Variants in DSTYK observed in about 807,000 individuals in gnomAD.
DSTYK encodes dual serine/threonine and tyrosine protein kinase, also known as RIP-homologous kinase.
DSTYK carries 34 observed loss-of-function variants against 98.7 expected under a neutral mutation model. The observed-to-expected ratio is 0.34, with a 90% CI of 0.26 to 0.46. DSTYK has a LOEUF of 0.46. Among genes scored for constraint, DSTYK ranks in the 20% least tolerant of loss-of-function variants. The probability of loss-of-function intolerance (pLI) is 1.00; values close to 1 mark genes in which losing one functional copy is unlikely to be tolerated. For missense variants in DSTYK, 962 were observed against 1,181.7 expected, an observed-to-expected ratio of 0.81 and a Z score of 2.73; for synonymous variants, 462 against 457.3, an observed-to-expected ratio of 1.01 and a Z score of -0.13.
At chr1:205,182,489 T>A in intron 2 of DSTYK, among the ~76,000 whole-genome samples, 2 of 68,296 alleles carry the variant, frequency 2.9e-5, no homozygotes, top group Non-Finnish European at 3.0e-5. Flanking sequence ...TGGTTAGAGT[T>A]AAAAACGGTA....
chr1:205,196,858 G>A (rs778326612), intron 1 of DSTYK, among the ~76,000 whole-genome samples: 8 of 144,734 alleles, frequency 5.5e-5, no homozygotes, highest in African/African-American at 1.5e-4. Context: ...TTCCGGGTTC[G>A]AGCAATTCTC....
intron 10 of DSTYK, among the ~76,000 whole-genome samples, chr1:205,152,834 CCGGTA>C (rs1391256668): frequency 6.6e-6 from 1 of 152,158 alleles, no homozygotes; most frequent in African/African-American, 2.4e-5. Context: ...GAATACTCAA[CCGGTA>C]CTGTCTTCCT....
intron 2 of DSTYK, among the ~76,000 whole-genome samples, chr1:205,182,126 C>T (rs921749867): frequency 2.0e-5 from 3 of 152,018 alleles, no homozygotes; most frequent in African/African-American, 4.8e-5. Context: ...AGTGGCCAGG[C>T]GTGGTGGCTC....
At chr1:205,203,511 AG>A (rs1176778632) in intron 1 of DSTYK, among the ~76,000 whole-genome samples, 1 of 59,708 alleles carries the variant, frequency 1.7e-5, no homozygotes. Context: ...GGGGTAGGGT[AG>A]GGAAGGGGAG....
intron 2 of DSTYK, among the ~76,000 whole-genome samples, chr1:205,181,653 G>GGGGT (rs758360038): frequency 0.06 from 5,018 of 83,868 alleles, 161 homozygotes; most frequent in East Asian, 0.17. Flanking sequence ...CAGATGTTGG[G>GGGGT]GTTTGTGTGT....
chr1:205,166,031 T>A (rs1048485566), intron 3 of DSTYK, among the ~76,000 whole-genome samples: 41 of 149,084 alleles, frequency 2.8e-4, no homozygotes, highest in African/African-American at 8.8e-4. Flanking sequence ...CAAAAAAAAA[T>A]AAATAAATAA....
At chr1:205,197,915 C>T (rs964251733) in intron 1 of DSTYK, among the ~76,000 whole-genome samples, 19 of 152,256 alleles carry the variant, frequency 1.2e-4, no homozygotes, top group African/African-American at 3.6e-4. Flanking sequence ...CCACGAAGGC[C>T]GGGCGTGATG....
In DSTYK at chr1:205,187,805, G is replaced by C. The variant is rs1658601738; in HGVS notation, c.267C>G (p.Gly89=). Residue 89 remains glycine, a splice_region_variant and synonymous_variant, in exon 2 of 13, where the codon GGC becomes GGG. Coordinates refer to ENST00000367162, the MANE Select transcript of DSTYK (RefSeq NM_015375.3). The stretch of plus-strand genomic sequence containing the variant: ...GTGGGAAGGAAATGCAGCTCAGTTG[G>C]CCTGGTTGGGGAAGGGGAGAGTGGA... ...GDVAETGLQA[G]QLSCISFPPK... is the part of the protein sequence containing the mutation. 1 of 1,607,888 alleles carries C rather than the reference G, an allele frequency of 6.2e-7. No individual in the cohort carries two copies.
At chr1:205,170,632 C>T (rs1658031490) in intron 2 of DSTYK, among the ~76,000 whole-genome samples, 1 of 152,146 alleles carries the variant, frequency 6.6e-6, no homozygotes, top group Admixed American at 6.5e-5. Flanking sequence ...CAACCTAAGT[C>T]TAAGAAATAC....
chr1:205,185,485 C>T (rs552202460), intron 2 of DSTYK, among the ~76,000 whole-genome samples: 38 of 152,212 alleles, frequency 2.5e-4, no homozygotes, highest in African/African-American at 7.9e-4. Flanking sequence ...GTAGCTGGGA[C>T]TACAAGGGTG....
At chr1:205,167,461 A>G (rs894769901) in intron 3 of DSTYK, among the ~76,000 whole-genome samples, 1 of 152,242 alleles carries the variant, frequency 6.6e-6, no homozygotes, top group Non-Finnish European at 1.5e-5. Flanking sequence ...TTTGGGAGAC[A>G]GGCCCTGATG....
chr1:205,166,579 C>T (rs920498581), intron 3 of DSTYK, among the ~76,000 whole-genome samples: 12 of 152,182 alleles, frequency 7.9e-5, no homozygotes, highest in African/African-American at 2.7e-4. Flanking sequence ...TAAGAACAAT[C>T]GGATACTTTA....
chr1:205,147,689 C>T lies in DSTYK; in HGVS notation c.2659G>A (p.Ala887Thr), dbSNP rs1430891769. ...TTCAAGGGGTCGCCATCCCAACAGGCTTCCATCAACTGCCAGCACTCCTCA... is the reference window on the plus strand; with the variant it reads ...TTCAAGGGGTCGCCATCCCAACAGGTTTCCATCAACTGCCAGCACTCCTCA... ...FDEECWQLME[A>T]CWDGDPLKRP... Residue 887 changes from alanine to threonine, a missense_variant, in exon 13 of 13, where the codon GCC becomes ACC. Physicochemically the swap from Ala to Thr is moderately conservative, Grantham distance 58. Around this residue, in one of 4 missense-constraint regions of DSTYK, gnomAD observed 65 missense variants for 63.9 expected, o/e 1.02. Coordinates refer to ENST00000367162, the MANE Select transcript of DSTYK (RefSeq NM_015375.3). 1.4e-5 allele frequency: 22 copies of T among 1,613,998 alleles called. No individual in the cohort carries two copies. The highest frequency in any genetic ancestry group is 1.8e-5 in the Non-Finnish European group (21 of 1,180,018).
intron 1 of DSTYK, among the ~76,000 whole-genome samples, chr1:205,198,108 G>A (rs1186193347): frequency 3.9e-5 from 6 of 152,046 alleles, no homozygotes; most frequent in African/African-American, 7.2e-5. Flanking sequence ...CAGAAGAATC[G>A]CTTGAACCCG....
chr1:205,196,639 G>GTTTCTTTT (rs1325159537), intron 1 of DSTYK, among the ~76,000 whole-genome samples: 1 of 151,964 alleles, frequency 6.6e-6, no homozygotes, highest in African/African-American at 2.4e-5. Flanking sequence ...CTGGAAGGAG[G>GTTTCTTTT]TTTTTTGAGA....
At chr1:205,161,190 G>C in intron 7 of DSTYK, 68 bp downstream of exon 7, 1 of 1,583,236 alleles carries the variant, frequency 6.3e-7, no homozygotes, top group Non-Finnish European at 8.6e-7. Context: ...GATTCTCTGA[G>C]GCTGGACATA....
intron 9 of DSTYK, among the ~76,000 whole-genome samples, chr1:205,158,420 C>A (rs1227632293): frequency 6.6e-6 from 1 of 152,024 alleles, no homozygotes; most frequent in Non-Finnish European, 1.5e-5. Context: ...AGGGAACAGA[C>A]AAAAGAAACC....
At position 205,173,723 on chromosome 1, in the gene DSTYK, GTT is replaced by G. The variant is rs1194952875; in HGVS notation, c.655-3893_655-3892del. Among the ~76,000 whole-genome samples, 4 of 144,192 alleles carry G rather than the reference GTT, an allele frequency of 2.8e-5. No individual in the cohort carries two copies. The East Asian group carries it at 6.0e-4, about 22-fold the overall frequency. 94.6% of individuals were successfully genotyped at this position (144,192 alleles called of 152,430 possible). ...GTCCATTTGTAAGACCAATACGGTT[GTT>G]TTTTTTTTTTTGAGATGAAGTCTCG... On this transcript the variant is annotated intron_variant, in intron 2 of 12. Transcript: ENST00000367162.
rs778586547 is a variant in DSTYK, at chr1:205,148,279, G to A, written c.2528C>T (p.Ser843Leu). Residue 843 changes from serine (S) to leucine (L), a missense_variant, in exon 12 of 13, where the codon TCA becomes TTA. Coordinates refer to ENST00000367162, the MANE Select transcript of DSTYK (RefSeq NM_015375.3). Reference protein sequence around the residue: ...AFGILFWYICSGSVKLPEAFE... With the variant: ...AFGILFWYICLGSVKLPEAFE... ...TGCCTCAGGGAGCTTGACAGAGCCTGAGCAGATATACCAGAAAAGAATTCC... is the reference window on the plus strand; with the variant it reads ...TGCCTCAGGGAGCTTGACAGAGCCTAAGCAGATATACCAGAAAAGAATTCC... The A allele has an allele frequency of 6.2e-6, 10 of 1,613,972 alleles. No homozygotes were observed. The highest frequency in any genetic ancestry group is 1.3e-5 in the African/African-American group (1 of 74,904).
Sources: allele counts gnomAD v4.1 joint callset (sites outside exome capture counted in the v4.1 genomes callset), GRCh38; gene constraint gnomAD v4.1.1; regional missense constraint gnomAD v4.1.1; transcripts MANE v1.5; gene names NCBI Gene and HGNC (gene_info 2026-07-23, HGNC 2026-07-21).